GCNT2: variants seen among roughly 807,000 people sequenced by gnomAD.
GCNT2 encodes glucosaminyl (N-acetyl) transferase 2 (I blood group).
In GCNT2, 34 loss-of-function variants were observed where a neutral mutation model predicts 34.2. The observed-to-expected ratio is 1.00, with a 90% CI of 0.76 to 1.32. GCNT2 has a LOEUF of 1.32. Ranked by LOEUF, GCNT2 falls within the 40% of genes most tolerant of loss-of-function variation. The pLI is 0.00. For missense variants in GCNT2, 584 were observed against 489.4 expected (o/e 1.19, Z -1.82); for synonymous variants, 212 against 188.0 (o/e 1.13, Z -1.04).
chr6:10,581,226 G>A (rs1404460795), intron 3 of GCNT2, among the ~76,000 whole-genome samples: 2 of 152,066 alleles, frequency 1.3e-5, no homozygotes, highest in Non-Finnish European at 2.9e-5. Flanking sequence ...GACAAATGAT[G>A]TACATGGTTT....
chr6:10,560,903 G>C (rs1762947639), intron 3 of GCNT2, among the ~76,000 whole-genome samples: 1 of 152,172 alleles, frequency 6.6e-6, no homozygotes, highest in Non-Finnish European at 1.5e-5. Flanking sequence ...TAAAGTGGTT[G>C]TCCTTCTCTT....
At chr6:10,546,599 C>T (rs1762281051) in intron 3 of GCNT2, among the ~76,000 whole-genome samples, 1 of 152,116 alleles carries the variant, frequency 6.6e-6, no homozygotes, top group Admixed American at 6.5e-5. Flanking sequence ...GCGGAGGTTG[C>T]AGTGAGCCAA....
intron 3 of GCNT2, among the ~76,000 whole-genome samples, chr6:10,535,099 G>A (rs909780899): frequency 1.3e-5 from 2 of 152,080 alleles, no homozygotes; most frequent in African/African-American, 2.4e-5. Flanking sequence ...CAGGAGAATC[G>A]CTTGAACCTG....
intron 3 of GCNT2, among the ~76,000 whole-genome samples, chr6:10,531,152 A>G (rs1761468875): frequency 6.6e-6 from 1 of 152,264 alleles, no homozygotes; most frequent in Admixed American, 6.5e-5. Context: ...CAAATGCACC[A>G]ATTATAAACC....
intron 3 of GCNT2, among the ~76,000 whole-genome samples, chr6:10,542,416 T>TAA (rs1000336584): frequency 2.6e-5 from 4 of 151,884 alleles, no homozygotes; most frequent in African/African-American, 9.7e-5. Context: ...CACCCACTTT[T>TAA]GTGTACAATG....
intron 3 of GCNT2, among the ~76,000 whole-genome samples, chr6:10,536,707 T>C (rs965399437): frequency 1.2e-3 from 114 of 97,104 alleles, no homozygotes; most frequent in African/African-American, 6.6e-3. Flanking sequence ...TGTGAGTTCC[T>C]TTTTTTTTTT....
intron 3 of GCNT2, among the ~76,000 whole-genome samples, chr6:10,571,633 G>A (rs1295255157): frequency 6.6e-6 from 1 of 152,170 alleles, no homozygotes. Flanking sequence ...GATTACAGGT[G>A]TGTGCCACCG....
chr6:10,596,051 C>T (rs1349343760), intron 3 of GCNT2, among the ~76,000 whole-genome samples: 1 of 152,172 alleles, frequency 6.6e-6, no homozygotes, highest in African/African-American at 2.4e-5. Flanking sequence ...AGGCTTTCTC[C>T]TCATCCCATA....
chr6:10,552,536 C>T (rs1398908914), intron 3 of GCNT2, among the ~76,000 whole-genome samples: 2 of 151,552 alleles, frequency 1.3e-5, no homozygotes, highest in Non-Finnish European at 2.9e-5. Context: ...TACAGCATAA[C>T]AACTGTTTAC....
intron 3 of GCNT2, among the ~76,000 whole-genome samples, chr6:10,611,791 A>T (rs1211375198): frequency 6.6e-6 from 1 of 152,234 alleles, no homozygotes; most frequent in Non-Finnish European, 1.5e-5. Flanking sequence ...TTACTAAATT[A>T]ATGAAGCAAA....
At chr6:10,530,735 A>G (rs749659414) in intron 3 of GCNT2, among the ~76,000 whole-genome samples, 27 of 152,070 alleles carry the variant, frequency 1.8e-4, no homozygotes, top group Non-Finnish European at 2.1e-4. Flanking sequence ...AAACAAACAA[A>G]CAAACAAAAA....
intron 3 of GCNT2, among the ~76,000 whole-genome samples, chr6:10,536,418 T>C (rs969940324): frequency 6.6e-6 from 1 of 151,384 alleles, no homozygotes; most frequent in East Asian, 1.9e-4. Context: ...TGCAGTGGCG[T>C]GATCTCAGCT....
At chr6:10,616,989 G>A (rs1230114644) in intron 3 of GCNT2, among the ~76,000 whole-genome samples, 4 of 148,114 alleles carry the variant, frequency 2.7e-5, no homozygotes, top group African/African-American at 1.1e-4. Context: ...GAGCCCAGCT[G>A]GCTTTACCCA....
chr6:10,566,668 G>A (rs917040931), intron 3 of GCNT2, among the ~76,000 whole-genome samples: 2 of 152,216 alleles, frequency 1.3e-5, no homozygotes, highest in African/African-American at 4.8e-5. Flanking sequence ...GCAGCTGCAC[G>A]GGCCTATTTC....
chr6:10,610,459 G>A (rs977457414), intron 3 of GCNT2, among the ~76,000 whole-genome samples: 3 of 152,120 alleles, frequency 2.0e-5, no homozygotes, highest in East Asian at 1.9e-4. Context: ...ATAGGCAGGC[G>A]GCCAATGGAC....
chr6:10,545,711 G>A (rs1237691217), intron 3 of GCNT2, among the ~76,000 whole-genome samples: 1 of 152,118 alleles, frequency 6.6e-6, no homozygotes, highest in African/African-American at 2.4e-5. Flanking sequence ...GTTTAGTCCT[G>A]GTCTGGGAGA....
intron 1 of GCNT2, among the ~76,000 whole-genome samples, chr6:10,521,853 A>G (rs1760930096): frequency 6.6e-6 from 1 of 152,034 alleles, no homozygotes; most frequent in South Asian, 2.1e-4. Flanking sequence ...AGGCAAGGGA[A>G]AATGTTTCCA....
At chr6:10,547,419 T>C (rs1355389597) in intron 3 of GCNT2, among the ~76,000 whole-genome samples, 4 of 152,202 alleles carry the variant, frequency 2.6e-5, no homozygotes, top group Non-Finnish European at 5.9e-5. Flanking sequence ...TCCCCTCCAG[T>C]TTGGAACAAT....
chr6:10,615,291 T>C (rs1765711919), intron 3 of GCNT2, among the ~76,000 whole-genome samples: 1 of 152,152 alleles, frequency 6.6e-6, no homozygotes, highest in Admixed American at 6.5e-5. Context: ...TGACGTTGGA[T>C]GTTGATACAA....
Sources: allele counts gnomAD v4.1 joint callset (sites outside exome capture counted in the v4.1 genomes callset), GRCh38; gene constraint gnomAD v4.1.1; transcripts MANE v1.5; gene names NCBI Gene and HGNC (gene_info 2026-07-23, HGNC 2026-07-21).